E2F7: variants seen among roughly 807,000 people sequenced by gnomAD.
E2F7 encodes the protein E2F transcription factor 7, also known as transcription factor E2F7.
E2F7 carries 35 observed loss-of-function variants against 81.1 expected under a neutral mutation model. The ratio of observed to expected loss-of-function variants is 0.43; its 90% confidence interval spans 0.33 to 0.57. The LOEUF (loss-of-function observed/expected upper bound fraction) is 0.57. E2F7 is among the 20% of genes least tolerant of loss of function. E2F7 has a pLI of 0.04. For synonymous variants in E2F7, 416 were observed against 416.2 expected, an observed-to-expected ratio of 1.00 and a Z score of 0.01; for missense variants, 961 against 1,093.7, an observed-to-expected ratio of 0.88 and a Z score of 1.71.
chr12:77,029,975 G>C lies in E2F7; in HGVS notation c.1740C>G (p.Ala580=), dbSNP rs1954791522. The C allele has an allele frequency of 6.2e-7, 1 of 1,614,180 alleles. No individual in the cohort carries two copies. Among genetic ancestry groups the C allele is most frequent in the African/African-American group, 1.3e-5 (1 of 75,032 alleles). ...CAGATGACAGCTCTACTGTGGCTGG[G>C]GCTTCTGAGCTTCTGTCATCCCTCT... ...GSERDDRSSE[A]PATVELSSAP... The change falls in exon 10 of 13, where the codon GCC becomes GCG. Residue 580 remains alanine, a synonymous_variant. Transcript: ENST00000322886.
At chr12:77,028,307 C>T (rs1306132108) in intron 10 of E2F7, among the ~76,000 whole-genome samples, 169 bp from the exon 11 acceptor site, 1 of 151,998 alleles carries the variant, frequency 6.6e-6, no homozygotes, top group East Asian at 1.9e-4. Context: ...ATTCTCCTGC[C>T]TCAGCCTCCC....
intron 7 of E2F7, among the ~76,000 whole-genome samples, chr12:77,037,758 T>G (rs1565900897): frequency 6.6e-6 from 1 of 151,422 alleles, no homozygotes; most frequent in Admixed American, 6.6e-5. Flanking sequence ...AATAAGCAAA[T>G]GGGACAAACA....
rs1955100375 is a variant in E2F7 at position 77,064,247 on chromosome 12, AC to A, written c.93+295del. On this transcript the variant is annotated intron_variant, in intron 2 of 12. Transcript: ENST00000322886. ...ATTCCTACAGAGCACTAGCTACACC[AC>A]CCTTGACAACTGTATTATAAACTTT... Among the ~76,000 whole-genome samples, 6 of 152,262 alleles carry A rather than the reference AC, an allele frequency of 3.9e-5. No homozygotes were observed. In the South Asian group the frequency reaches 8.3e-4, roughly 21 times the overall value.
intron 10 of E2F7, among the ~76,000 whole-genome samples, chr12:77,028,518 A>C (rs972488133): frequency 6.7e-6 from 1 of 149,002 alleles, no homozygotes; most frequent in Non-Finnish European, 1.5e-5. Flanking sequence ...CCCAGGCTGG[A>C]GTGCAGTGGC....
At chr12:77,044,364 A>G (rs1212790613) in intron 6 of E2F7, 1 of 547,088 alleles carries the variant, frequency 1.8e-6, no homozygotes, top group East Asian at 3.9e-5. Flanking sequence ...AATGCAAAAT[A>G]ATTCACACCC....
chr12:77,036,397 C>G (rs1954849668), intron 7 of E2F7, among the ~76,000 whole-genome samples: 4 of 152,064 alleles, frequency 2.6e-5, no homozygotes, highest in Non-Finnish European at 4.4e-5. Flanking sequence ...TGTGGGCTCA[C>G]ACCTGTAATC....
chr12:77,030,580 C>CA (rs1214515270), intron 9 of E2F7, among the ~76,000 whole-genome samples: 19 of 152,204 alleles, frequency 1.2e-4, no homozygotes, highest in Admixed American at 3.3e-4. Flanking sequence ...TGAGAGTGAA[C>CA]ATTCATTCCT....
At chr12:77,050,464 T>C in intron 4 of E2F7, 112 bp downstream of exon 4, 1 of 1,088,256 alleles carries the variant, frequency 9.2e-7, no homozygotes, top group East Asian at 2.5e-5. Flanking sequence ...CCTGTTCCTC[T>C]GTCTTCACCC....
intron 11 of E2F7, 36 bp from the exon 12 acceptor site, chr12:77,026,018 T>A: frequency 6.4e-7 from 1 of 1,561,992 alleles, no homozygotes; most frequent in East Asian, 2.3e-5. Flanking sequence ...AATCAATATA[T>A]GTCATCATGA....
chr12:77,038,763 C>T (rs1440823322), intron 7 of E2F7, among the ~76,000 whole-genome samples: 1 of 152,104 alleles, frequency 6.6e-6, no homozygotes, highest in Non-Finnish European at 1.5e-5. Flanking sequence ...ATCTGAATAG[C>T]TCTATAGCTA....
intron 8 of E2F7, 36 bp downstream of exon 8, chr12:77,033,821 A>C: frequency 6.6e-7 from 1 of 1,517,520 alleles, no homozygotes; most frequent in Non-Finnish European, 8.8e-7. Flanking sequence ...CTACATGGCA[A>C]CTGATGGACT....
intron 7 of E2F7, among the ~76,000 whole-genome samples, chr12:77,041,454 G>A (rs892848613): frequency 2.0e-5 from 3 of 152,138 alleles, no homozygotes; most frequent in African/African-American, 7.2e-5. Context: ...GCCTCCCAAA[G>A]TGCTGGGATT....
At chr12:77,037,011 A>G (rs1034854078) in intron 7 of E2F7, among the ~76,000 whole-genome samples, 2 of 152,104 alleles carry the variant, frequency 1.3e-5, no homozygotes, top group African/African-American at 4.8e-5. Context: ...GGCCTCCCAA[A>G]GTGCTGGGAT....
At chr12:77,031,667 AC>A (rs1954808965) in intron 9 of E2F7, among the ~76,000 whole-genome samples, 1 of 152,090 alleles carries the variant, frequency 6.6e-6, no homozygotes, top group Non-Finnish European at 1.5e-5. Context: ...AAAGCAGAAA[AC>A]AAAACAAAAC....
chr12:77,060,222 C>T (rs775842529), intron 2 of E2F7, among the ~76,000 whole-genome samples: 14 of 152,020 alleles, frequency 9.2e-5, no homozygotes, highest in Non-Finnish European at 1.9e-4. Flanking sequence ...AAATCACTCC[C>T]TCCATTAGAG....
intron 4 of E2F7, among the ~76,000 whole-genome samples, chr12:77,046,807 C>T (rs577755271): frequency 5.3e-5 from 8 of 152,296 alleles, no homozygotes; most frequent in Admixed American, 3.3e-4. Context: ...TCTATCCTTT[C>T]GTGAAGTTCC....
intron 2 of E2F7, among the ~76,000 whole-genome samples, chr12:77,063,587 A>G (rs1231881605): frequency 6.6e-6 from 1 of 152,212 alleles, no homozygotes; most frequent in Non-Finnish European, 1.5e-5. Flanking sequence ...CTTGGAACAC[A>G]TTCCCTGTGG....
intron 7 of E2F7, among the ~76,000 whole-genome samples, chr12:77,036,287 G>A (rs1338809519): frequency 2.0e-5 from 3 of 152,106 alleles, no homozygotes; most frequent in Non-Finnish European, 4.4e-5. Flanking sequence ...AGGGAAAAAT[G>A]CCATGTTACA....
In E2F7 at chr12:77,053,114, C is replaced by T. The variant is rs964489311; in HGVS notation, c.370-2370G>A. 2.8e-4 allele frequency among the ~76,000 whole-genome samples: 43 copies of T among 152,126 alleles called. 1 individual carries two copies. Among genetic ancestry groups the T allele is most frequent in the Admixed American group, 2.4e-3 (36 of 15,266 alleles). ...CAATTTGGCATTATCTTGTGAACATCTGTATATCTAATGACGTAGCACCTA... is the reference window on the plus strand; with the variant it reads ...CAATTTGGCATTATCTTGTGAACATTTGTATATCTAATGACGTAGCACCTA... On this transcript the variant is annotated intron_variant, in intron 3 of 12. Transcript: ENST00000322886.
Sources: allele counts gnomAD v4.1 joint callset (sites outside exome capture counted in the v4.1 genomes callset), GRCh38; gene constraint gnomAD v4.1.1; transcripts MANE v1.5; gene names NCBI Gene and HGNC (gene_info 2026-07-23, HGNC 2026-07-21).